CR1: variants seen among roughly 807,000 people sequenced by gnomAD.
CR1 encodes the protein complement receptor type 1.
A neutral mutation model predicts 187.3 loss-of-function variants in CR1; 116 were observed. The ratio of observed to expected loss-of-function variants is 0.62; its 90% confidence interval spans 0.53 to 0.72. CR1 has a LOEUF of 0.72. Among genes scored for constraint, CR1 ranks in the 30% least tolerant of loss-of-function variants. The pLI, the probability that CR1 is intolerant of heterozygous loss-of-function variation, is 0.00. For missense variants in CR1, 1,731 were observed against 2,110.7 expected, an observed-to-expected ratio of 0.82 and a Z score of 3.52; for synonymous variants, 576 against 747.1, an observed-to-expected ratio of 0.77 and a Z score of 3.73.
rs771119266 is a variant in CR1, at chr1:207,577,787, T to A, written c.4538-18T>A. On this transcript the variant is annotated intron_variant, in intron 28 of 46. Transcript: ENST00000367049. The stretch of plus-strand genomic sequence containing the variant: ...GTCCCAAGGTTTTGTTTTGGTTAAC[T>A]TGCTGTCTCTTTTCCAGGAATTCCT... 1 of 1,613,464 alleles carries A rather than the reference T, an allele frequency of 6.2e-7. No individual in the cohort carries two copies. The highest frequency in any genetic ancestry group is 8.5e-7 in the Non-Finnish European group (1 of 1,179,706).
chr1:207,582,441 A>C (rs1018630734), intron 32 of CR1, among the ~76,000 whole-genome samples: 8 of 152,240 alleles, frequency 5.3e-5, no homozygotes, highest in African/African-American at 1.9e-4. Context: ...TATACCTATA[A>C]ACAAGACAGA....
intron 42 of CR1, 89 bp from the exon 43 acceptor site, chr1:207,619,791 T>C (rs1473849408): frequency 8.5e-7 from 1 of 1,171,490 alleles, no homozygotes; most frequent in Non-Finnish European, 1.2e-6. Context: ...AAGGGCAAAA[T>C]AGGTTTTGGC....
chr1:207,577,265 C>CAAAAAA (rs58120393), intron 28 of CR1, among the ~76,000 whole-genome samples: 1 of 147,386 alleles, frequency 6.8e-6, no homozygotes, highest in African/African-American at 2.5e-5. Context: ...AACAAACAAA[C>CAAAAAA]AAAAAAAAAA....
chr1:207,517,638 G>C (rs1197344377), intron 4 of CR1, among the ~76,000 whole-genome samples: 1 of 152,088 alleles, frequency 6.6e-6, no homozygotes, highest in Non-Finnish European at 1.5e-5. Context: ...CTGGACCTGA[G>C]GGTTTGTTGT....
intron 4 of CR1, among the ~76,000 whole-genome samples, chr1:207,520,120 C>G (rs963343666): frequency 6.6e-6 from 1 of 152,140 alleles, no homozygotes; most frequent in Non-Finnish European, 1.5e-5. Flanking sequence ...TTTATGTTGC[C>G]TCAGCATCCA....
At chr1:207,572,373 C>A (rs1423343062) in intron 27 of CR1, among the ~76,000 whole-genome samples, 2 of 151,280 alleles carry the variant, frequency 1.3e-5, no homozygotes, top group African/African-American at 2.5e-5. Context: ...CTTCAGCAAC[C>A]ACCACCCTGA....
At chr1:207,601,732 C>G (rs1661611591) in intron 35 of CR1, among the ~76,000 whole-genome samples, 1 of 152,066 alleles carries the variant, frequency 6.6e-6, no homozygotes, top group African/African-American at 2.4e-5. Context: ...AATGTCTATT[C>G]TCATCCTTTG....
Position 207,580,351 on chromosome 1 carries a change from G to A in CR1, c.5048G>A (p.Arg1683Lys). Residue 1683 changes from arginine (R) to lysine (K), a missense_variant, in exon 30 of 47, where the codon AGA becomes AAA. Coordinates refer to ENST00000367049, the MANE Select transcript of CR1 (RefSeq NM_000651.6). ...AGCTGTGAGCCTGGCTATGACCTCAGAGGGGCTGCGTCTCTGCACTGCACA... is the reference window on the plus strand; with the variant it reads ...AGCTGTGAGCCTGGCTATGACCTCAAAGGGGCTGCGTCTCTGCACTGCACA... ...FYSCEPGYDL[R>K]GAASLHCTPQ... The A allele has an allele frequency of 1.2e-6, 2 of 1,613,992 alleles. No individual in the cohort carries two copies. The highest frequency in any genetic ancestry group is 8.5e-7 in the Non-Finnish European group (1 of 1,179,870).
At chr1:207,520,535 G>C (rs1451043359) in intron 4 of CR1, among the ~76,000 whole-genome samples, 1 of 152,084 alleles carries the variant, frequency 6.6e-6, no homozygotes, top group Non-Finnish European at 1.5e-5. Flanking sequence ...GTCTCCTCGC[G>C]CTGACCAACC....
intron 36 of CR1, among the ~76,000 whole-genome samples, chr1:207,608,922 C>A (rs1330236591): frequency 1.3e-5 from 2 of 151,826 alleles, no homozygotes; most frequent in Admixed American, 6.6e-5. Flanking sequence ...ATAAATAATG[C>A]CAGAAGTGGT....
intron 3 of CR1, among the ~76,000 whole-genome samples, chr1:207,509,021 C>T (rs781671150): frequency 4.1e-4 from 63 of 152,162 alleles, no homozygotes; most frequent in Non-Finnish European, 8.1e-4. Flanking sequence ...AAACTCTATC[C>T]TTAAATATAT....
chr1:207,496,387 G>A lies in CR1; in HGVS notation c.120G>A (p.Trp40Ter). 6.2e-7 allele frequency: 1 copy of A among 1,608,446 alleles called. No homozygotes were observed. Among genetic ancestry groups the A allele is most frequent in the African/African-American group, 1.3e-5 (1 of 74,902 alleles). ...VVVLLALPVA[W>*]GQCNAPEWLP... The stretch of plus-strand genomic sequence containing the variant: ...TGCTGCTTGCGCTGCCGGTGGCCTG[G>A]GGTGAGAGGCGGGCGGGCGTGGGGA... The change falls in exon 1 of 47, where the codon TGG (tryptophan) becomes TGA (stop). Residue 40 changes from tryptophan (W) to a stop codon, truncating the protein, a stop_gained and splice_region_variant. Transcript: ENST00000367049. LOFTEE classifies it high-confidence loss of function.
In CR1 at chr1:207,580,251, C is replaced by T; in HGVS notation, c.4948C>T (p.Pro1650Ser). The change falls in exon 30 of 47, where the codon CCT (proline) becomes TCT (serine). Residue 1650 changes from proline to serine, a missense_variant. Pro to Ser is a moderately conservative substitution (Grantham distance 74, BLOSUM62 -1). Coordinates refer to ENST00000367049, the MANE Select transcript of CR1 (RefSeq NM_000651.6). ...LPSCSRVCQP[P>S]PEILHGEHTP... The stretch of plus-strand genomic sequence containing the variant: ...TGTCCTTTCCACAGTGTGTCAGCCG[C>T]CTCCAGAAATCCTGCATGGTGAGCA... The T allele has an allele frequency of 6.2e-7, 1 of 1,613,756 alleles. No individual in the cohort carries two copies. Among genetic ancestry groups the T allele is most frequent in the Non-Finnish European group, 8.5e-7 (1 of 1,179,768 alleles).
chr1:207,625,874 G>A (rs1311821010), intron 45 of CR1, among the ~76,000 whole-genome samples: 1 of 152,160 alleles, frequency 6.6e-6, no homozygotes, highest in African/African-American at 2.4e-5. Context: ...ATTCTACATA[G>A]TGATGTTATC....
At chr1:207,508,741 C>A (rs373003055) in intron 3 of CR1, among the ~76,000 whole-genome samples, 3 of 150,172 alleles carry the variant, frequency 2.0e-5, no homozygotes, top group Middle Eastern at 3.5e-3. Flanking sequence ...TTTTAAAGTT[C>A]CTACTAAATT....
intron 35 of CR1, among the ~76,000 whole-genome samples, chr1:207,598,491 T>G (rs558762640): frequency 2.0e-5 from 3 of 151,614 alleles, no homozygotes; most frequent in Non-Finnish European, 4.4e-5. Flanking sequence ...ACTATCTCGG[T>G]TCACTGCAAC....
intron 41 of CR1, 92 bp from the exon 42 acceptor site, chr1:207,617,979 A>G: frequency 1.4e-6 from 2 of 1,402,666 alleles, no homozygotes; most frequent in South Asian, 1.4e-5. Flanking sequence ...ATGTACCTCT[A>G]ATAGCCAGAG....
At chr1:207,574,868 A>G (rs913331246) in intron 27 of CR1, among the ~76,000 whole-genome samples, 1 of 152,230 alleles carries the variant, frequency 6.6e-6, no homozygotes, top group African/African-American at 2.4e-5. Context: ...AGAATAACTA[A>G]AACAGCTGAA....
chr1:207,634,844 A>G (rs1435149738), intron 46 of CR1, among the ~76,000 whole-genome samples: 3 of 152,316 alleles, frequency 2.0e-5, no homozygotes, highest in Admixed American at 1.3e-4. Context: ...TGCTACCACC[A>G]TGGTGTAGAA....
Sources: allele counts gnomAD v4.1 joint callset (sites outside exome capture counted in the v4.1 genomes callset), GRCh38; gene constraint gnomAD v4.1.1; transcripts MANE v1.5; gene names NCBI Gene and HGNC (gene_info 2026-07-23, HGNC 2026-07-21).